CD72: variants seen among roughly 807,000 people sequenced by gnomAD.
The protein encoded by CD72 is CD72 molecule.
CD72 carries 28 observed loss-of-function variants against 50.7 expected under a neutral mutation model. The observed-to-expected ratio is 0.55, with a 90% CI of 0.41 to 0.76. CD72 has a LOEUF of 0.76. CD72 is among the 30% of genes least tolerant of loss of function. CD72 has a pLI of 0.00. For missense variants in CD72, 403 were observed against 420.6 expected (o/e 0.96, Z 0.37); for synonymous variants, 176 against 171.2 (o/e 1.03, Z -0.22).
In CD72 at chr9:35,611,795, C is replaced by G; in HGVS notation, c.950+9G>C. The G allele has an allele frequency of 6.7e-7, 1 of 1,496,506 alleles. No individual in the cohort carries two copies. Among genetic ancestry groups the G allele is most frequent in the Non-Finnish European group, 9.3e-7 (1 of 1,072,924 alleles). The allele number at this position is 1,496,506 out of a possible 1,614,324, so 92.7% of individuals were successfully genotyped here. A position where few individuals can be genotyped will look rare whatever the true frequency, so the allele number is the denominator to read the frequency against. ...AGTTGAAAATACCCAGAAGTCCTAA[C>G]AAACTTACCTAGTGCGTTGTGTATC... On this transcript the variant is annotated intron_variant, in intron 7 of 8. Coordinates refer to ENST00000259633, the MANE Select transcript of CD72 (RefSeq NM_001782.3).
chr9:35,614,710 A>AAGTG (rs1337911318), intron 5 of CD72, among the ~76,000 whole-genome samples: 2 of 152,042 alleles, frequency 1.3e-5, no homozygotes, highest in African/African-American at 2.4e-5. Context: ...TGGAACAAAG[A>AAGTG]AGTGAGTGAG....
rs370250155 is a variant in CD72, at chr9:35,610,673, C to T, written c.1031G>A (p.Ser344Asn). 63 of 1,613,480 alleles carry T rather than the reference C, an allele frequency of 3.9e-5. No homozygotes were observed. The highest frequency in any genetic ancestry group is 5.3e-5 in the Non-Finnish European group (63 of 1,179,504). ...CATCTCACAGATGTAGGGAAGAGAA[C>T]TTCTACATGACTCTGACTCCAGTGT... ...WWTLESESCR[S>N]SLPYICEMTA... The change falls in exon 8 of 9, where the codon AGT becomes AAT. Residue 344 changes from serine (S) to asparagine (N), a missense_variant. Transcript: ENST00000259633.
chr9:35,641,054 G>A (rs1477422333), intron 1 of CD72, among the ~76,000 whole-genome samples: 2 of 152,226 alleles, frequency 1.3e-5, no homozygotes, highest in African/African-American at 4.8e-5. Context: ...AGGAAATCCA[G>A]CTAGTCTTGT....
Position 35,610,684 on chromosome 9 carries a change from C to A in CD72, c.1020G>T (p.Glu340Asp), listed in dbSNP as rs1243869556. ...KTWSWWTLES[E>D]SCRSSLPYIC... ...TGTAGGGAAGAGAACTTCTACATGA[C>A]TCTGACTCCAGTGTCCACCATGACC... Residue 340 changes from glutamate to aspartate, a missense_variant, in exon 8 of 9, where the codon GAG becomes GAT. Glu to Asp is a conservative substitution (Grantham distance 45). Transcript: ENST00000259633. 2 of 1,613,122 alleles carry A rather than the reference C, an allele frequency of 1.2e-6. No individual in the cohort carries two copies. The highest frequency in any genetic ancestry group is 1.7e-6 in the Non-Finnish European group (2 of 1,179,174).
At position 35,611,836 on chromosome 9, in the gene CD72, A is replaced by G. The variant is rs1364453383; in HGVS notation, c.918T>C (p.Asp306=). ...SYWTGLSSNK[D]WKLTDDTQRT... is the part of the protein sequence containing the mutation. Reference sequence around the variant, plus strand: ...GTTGTGTATCATCAGTCAACTTCCAATCCTTGTTAGAGCTGAGGCCAGTCC... The same window carrying G: ...GTTGTGTATCATCAGTCAACTTCCAGTCCTTGTTAGAGCTGAGGCCAGTCC... Residue 306 remains aspartate (D), a synonymous_variant, in exon 7 of 9, where the codon GAT becomes GAC. Coordinates refer to ENST00000259633, the MANE Select transcript of CD72 (RefSeq NM_001782.3). The G allele has an allele frequency of 3.1e-6, 5 of 1,611,788 alleles. No individual in the cohort carries two copies. Among genetic ancestry groups the G allele is most frequent in the Non-Finnish European group, 4.2e-6 (5 of 1,177,958 alleles).
At position 35,618,412 on chromosome 9, in the gene CD72, G is replaced by T. The variant is rs1563896405; in HGVS notation, c.-109C>A. On this transcript the variant is annotated 5_prime_UTR_variant, in exon 1 of 9. Coordinates refer to ENST00000259633, the MANE Select transcript of CD72 (RefSeq NM_001782.3). Reference sequence around the variant, plus strand: ...TAGGCTCTGTGTTCCCTCTGTGACTGCACGGCTTAGCAATTGGCCCTGTGA... The same window carrying T: ...TAGGCTCTGTGTTCCCTCTGTGACTTCACGGCTTAGCAATTGGCCCTGTGA... 1 of 1,554,604 alleles carries T rather than the reference G, an allele frequency of 6.4e-7. No homozygotes were observed. Among genetic ancestry groups the T allele is most frequent in the South Asian group, 1.2e-5 (1 of 85,096 alleles).
At chr9:35,634,925 T>C (rs1367035107) in intron 1 of CD72, among the ~76,000 whole-genome samples, 1 of 152,224 alleles carries the variant, frequency 6.6e-6, no homozygotes, top group Non-Finnish European at 1.5e-5. Context: ...TCTCTTCCCC[T>C]GTCTTGAAGT....
intron 1 of CD72, 40 bp downstream of exon 1, chr9:35,618,182 G>C: frequency 6.2e-7 from 1 of 1,606,632 alleles, no homozygotes; most frequent in East Asian, 2.2e-5. Flanking sequence ...GGGGCGGGAA[G>C]TGGGGATGCA....
In CD72 at chr9:35,610,049, C is replaced by T. The variant is rs774184482; in HGVS notation, c.*274G>A. 6.6e-5 allele frequency: 21 copies of T among 320,384 alleles called. No individual in the cohort carries two copies. Among genetic ancestry groups the T allele is most frequent in the African/African-American group, 2.2e-4 (10 of 46,234 alleles). The allele number at this position is 320,384 out of a possible 1,614,324, so 19.8% of individuals were successfully genotyped here. On this transcript the variant is annotated 3_prime_UTR_variant, in exon 9 of 9. Coordinates refer to ENST00000259633, the MANE Select transcript of CD72 (RefSeq NM_001782.3). ...GCCGCCCCTATCCGCTCAGCCCGTGCGCCCTCCTCCCCCACCCCATTCTAC... is the reference window on the plus strand; with the variant it reads ...GCCGCCCCTATCCGCTCAGCCCGTGTGCCCTCCTCCCCCACCCCATTCTAC...
Position 35,610,425 on chromosome 9 carries a change from C to T in CD72, c.*23-125G>A, listed in dbSNP as rs932969230. 1.2e-4 allele frequency: 41 copies of T among 354,960 alleles called. No individual in the cohort carries two copies. In the Admixed American group the frequency reaches 1.7e-3, roughly 14 times the overall value. The allele number at this position is 354,960 out of a possible 1,614,324, so 22.0% of individuals were successfully genotyped here. A position where few individuals can be genotyped will look rare whatever the true frequency, so the allele number is the denominator to read the frequency against. On this transcript the variant is annotated intron_variant, in intron 8 of 8. Coordinates refer to ENST00000259633, the MANE Select transcript of CD72 (RefSeq NM_001782.3). ...GCCTCCCATAAGTTGTAGGCCTTACCTGTCCCTCCCTGCCCACCCCACCCT... is the reference window on the plus strand; with the variant it reads ...GCCTCCCATAAGTTGTAGGCCTTACTTGTCCCTCCCTGCCCACCCCACCCT...
chr9:35,641,964 T>C (rs1823344157), intron 1 of CD72, among the ~76,000 whole-genome samples: 1 of 152,198 alleles, frequency 6.6e-6, no homozygotes, highest in African/African-American at 2.4e-5. Flanking sequence ...AGTCTGTATA[T>C]ATATTTACCC....
In CD72 at chr9:35,646,031, G is replaced by A. The variant is rs543683147; in HGVS notation, n.408+372C>T. Among the ~76,000 whole-genome samples the A allele has an allele frequency of 5.3e-5, 8 of 151,876 alleles. No individual in the cohort carries two copies. The South Asian group carries it at 1.0e-3, about 20-fold the overall frequency. ...AATAATTAGCCGGGAGTGTTGGCGG[G>A]CGTCTGTATTCCCAGCTACTCAGGA... On this transcript the variant is annotated intron_variant and non_coding_transcript_variant, in intron 1 of 3. Transcript: ENST00000465754.
At chr9:35,642,240 T>C (rs919466703) in intron 1 of CD72, among the ~76,000 whole-genome samples, 1 of 152,366 alleles carries the variant, frequency 6.6e-6, no homozygotes, top group Non-Finnish European at 1.5e-5. Context: ...CTATCTTTTC[T>C]TCATTGTCTG....
intron 1 of CD72, among the ~76,000 whole-genome samples, chr9:35,640,483 AACTGTGGAACCCAGTG>A (rs565027143): frequency 8.1e-4 from 123 of 152,244 alleles, no homozygotes; most frequent in Non-Finnish European, 1.6e-3. Flanking sequence ...CACGGAAGAG[AACTGTGGAACCCAGTG>A]ACTAGTGTTC....
intron 3 of CD72, 161 bp from the exon 4 acceptor site, chr9:35,616,850 G>A: frequency 7.0e-6 from 7 of 1,000,068 alleles, no homozygotes; most frequent in Non-Finnish European, 1.0e-5. Context: ...GGGTAGCGGG[G>A]TGTTTCGCAG....
intron 1 of CD72, among the ~76,000 whole-genome samples, chr9:35,630,280 C>T (rs1049047444): frequency 2.0e-5 from 3 of 152,078 alleles, no homozygotes; most frequent in Non-Finnish European, 4.4e-5. Context: ...TCAGGTGATC[C>T]CCCCGCCTCA....
At chr9:35,644,111 C>T (rs1005685481) in intron 1 of CD72, among the ~76,000 whole-genome samples, 1 of 151,370 alleles carries the variant, frequency 6.6e-6, no homozygotes, top group Non-Finnish European at 1.5e-5. Flanking sequence ...CTTTGGGAGG[C>T]CAAGGTGGGT....
At chr9:35,634,877 A>G (rs1394831308) in intron 1 of CD72, among the ~76,000 whole-genome samples, 1 of 152,238 alleles carries the variant, frequency 6.6e-6, no homozygotes, top group Non-Finnish European at 1.5e-5. Context: ...CCTCATAAAC[A>G]GACATGGTTC....
upstream of CD72, among the ~76,000 whole-genome samples, chr9:35,621,527 G>A (rs186417953): frequency 1.1e-4 from 16 of 152,240 alleles, no homozygotes; most frequent in East Asian, 3.1e-3. Flanking sequence ...CCAGAATAAT[G>A]GCCTCCCAAA....
Sources: allele counts gnomAD v4.1 joint callset (sites outside exome capture counted in the v4.1 genomes callset), GRCh38; gene constraint gnomAD v4.1.1; transcripts MANE v1.5; gene names NCBI Gene and HGNC (gene_info 2026-07-23, HGNC 2026-07-21).